SMARCA2: variants seen among roughly 807,000 people sequenced by gnomAD.
The protein encoded by SMARCA2 is SWI/SNF-related matrix-associated actin-dependent regulator of chromatin subfamily A member 2.
In SMARCA2, 61 loss-of-function variants were observed where a neutral mutation model predicts 199.8. The observed-to-expected ratio is 0.31, with a 90% CI of 0.25 to 0.38. The LOEUF is 0.38. Among genes scored for constraint, SMARCA2 ranks in the 10% least tolerant of loss-of-function variants. The probability of loss-of-function intolerance (pLI) is 1.00; values close to 1 mark genes in which losing one functional copy is unlikely to be tolerated. For synonymous variants in SMARCA2, 935 were observed against 732.0 expected (o/e 1.28, Z -4.48); for missense variants, 1,344 against 2,012.2 (o/e 0.67, Z 6.35).
intron 31 of SMARCA2, among the ~76,000 whole-genome samples, chr9:2,185,111 T>C (rs1213655852): frequency 6.6e-6 from 1 of 152,024 alleles, no homozygotes; most frequent in Non-Finnish European, 1.5e-5. Context: ...TTCACTTTGA[T>C]GGGCAACAGA....
intron 27 of SMARCA2, among the ~76,000 whole-genome samples, chr9:2,129,253 C>T (rs1442999521): frequency 6.6e-6 from 1 of 152,106 alleles, no homozygotes; most frequent in African/African-American, 2.4e-5. Context: ...CCCATCTCTA[C>T]TAAAAATACA....
rs144018200 is a variant in SMARCA2, at chr9:2,017,937, T to A, written c.-37+2533T>A. 0.02 allele frequency: 3,063 copies of A among 152,318 alleles called. 41 individuals are homozygous for A. The highest frequency in any genetic ancestry group is 0.041 in the South Asian group (196 of 4,826). The allele number at this position is 152,318 out of a possible 1,614,324, so 9.4% of individuals were successfully genotyped here. On this transcript the variant is annotated intron_variant, in intron 1 of 33. Coordinates refer to ENST00000349721, the MANE Select transcript of SMARCA2 (RefSeq NM_003070.5). This position sits in a 1 kb window ranked among gnomAD's most constrained non-coding sequence, Gnocchi z 8.8. ...GGGAAATGGGCTCCTTGTCCTCCGA[T>A]CGATTGCGTGGAAAACTTTCCAGCG... is the stretch of plus-strand genomic sequence containing the variant.
At chr9:2,188,975 A>G (rs995343379) in intron 32 of SMARCA2, among the ~76,000 whole-genome samples, 1 of 152,144 alleles carries the variant, frequency 6.6e-6, no homozygotes, top group Non-Finnish European at 1.5e-5. Flanking sequence ...AATGACAGGT[A>G]CAGTCCTTCT....
intron 3 of SMARCA2, among the ~76,000 whole-genome samples, chr9:2,035,406 A>G (rs1360867867): frequency 6.6e-6 from 1 of 152,176 alleles, no homozygotes; most frequent in East Asian, 1.9e-4. Flanking sequence ...TCTTGAAGCC[A>G]GGTGCTTACT....
chr9:2,171,386 A>G (rs1436834996), intron 29 of SMARCA2, among the ~76,000 whole-genome samples: 1 of 152,230 alleles, frequency 6.6e-6, no homozygotes, highest in Non-Finnish European at 1.5e-5. Flanking sequence ...TGTATCGTGT[A>G]TTTCAGAATG....
chr9:2,092,050 A>T (rs1211337205), intron 19 of SMARCA2, among the ~76,000 whole-genome samples: 1 of 152,194 alleles, frequency 6.6e-6, no homozygotes, highest in Non-Finnish European at 1.5e-5. Flanking sequence ...TCCATTTCTT[A>T]TGCACGGGAA....
At chr9:2,181,339 A>G in intron 29 of SMARCA2, 1 of 392,760 alleles carries the variant, frequency 2.5e-6, no homozygotes, top group South Asian at 2.8e-5. Context: ...TATTTCCCAT[A>G]TTGTATGTGT....
At chr9:2,073,941 T>C (rs1297174807) in intron 12 of SMARCA2, among the ~76,000 whole-genome samples, 1 of 152,158 alleles carries the variant, frequency 6.6e-6, no homozygotes, top group Non-Finnish European at 1.5e-5. Context: ...ATGGATTACC[T>C]TGGGAAAGGC....
chr9:2,073,170 G>C (rs766422689), intron 10 of SMARCA2, 42 bp from the exon 11 acceptor site: 5 of 1,612,176 alleles, frequency 3.1e-6, no homozygotes, highest in Non-Finnish European at 4.2e-6. Flanking sequence ...CTGGGGGAAG[G>C]TCTTAACATG....
chr9:2,040,193 GCCCAT>G (rs1819544833), intron 4 of SMARCA2: 1 of 598,290 alleles, frequency 1.7e-6, no homozygotes, highest in South Asian at 2.3e-5. Context: ...TTTCTTGGAA[GCCCAT>G]CCACACACAC....
chr9:2,180,180 C>G (rs948921709), intron 29 of SMARCA2, among the ~76,000 whole-genome samples: 3 of 152,130 alleles, frequency 2.0e-5, no homozygotes, highest in African/African-American at 7.2e-5. Context: ...ATGCAGTCTT[C>G]TTAAACCTCT....
At chr9:2,167,041 C>T (rs1825966095) in intron 28 of SMARCA2, among the ~76,000 whole-genome samples, 1 of 152,202 alleles carries the variant, frequency 6.6e-6, no homozygotes, top group African/African-American at 2.4e-5. Flanking sequence ...TACCAAGGGT[C>T]AACATGAAGT....
intron 9 of SMARCA2, among the ~76,000 whole-genome samples, chr9:2,064,645 G>A (rs1179958184): frequency 1.3e-5 from 2 of 152,104 alleles, no homozygotes; most frequent in Admixed American, 6.5e-5. Flanking sequence ...ATATCTTTGA[G>A]GACAGTGACA....
intron 27 of SMARCA2, among the ~76,000 whole-genome samples, chr9:2,154,593 C>T (rs1017676162): frequency 2.0e-5 from 3 of 152,130 alleles, no homozygotes; most frequent in African/African-American, 2.4e-5. Context: ...GCGTGGAACC[C>T]TGGATTGTGG....
intron 18 of SMARCA2, chr9:2,087,320 GA>G: frequency 2.0e-6 from 1 of 494,784 alleles, no homozygotes; most frequent in Non-Finnish European, 3.6e-6. Flanking sequence ...CAGGCTACCA[GA>G]AAAGGGTCCC....
At chr9:2,154,735 T>A (rs988642498) in intron 27 of SMARCA2, among the ~76,000 whole-genome samples, 1 of 152,252 alleles carries the variant, frequency 6.6e-6, no homozygotes, top group South Asian at 2.1e-4. Context: ...GTTATGCTCT[T>A]AATAGTTGTA....
intron 14 of SMARCA2, among the ~76,000 whole-genome samples, chr9:2,080,449 G>A (rs372358478): frequency 3.2e-4 from 49 of 152,214 alleles, no homozygotes; most frequent in African/African-American, 1.1e-3. Context: ...TCTAAAAAAA[G>A]CAGAAACAAA....
chr9:2,153,286 C>G (rs1397280052), intron 27 of SMARCA2, among the ~76,000 whole-genome samples: 1 of 152,162 alleles, frequency 6.6e-6, no homozygotes, highest in African/African-American at 2.4e-5. Context: ...CCTGTAATCC[C>G]AACACTTTGG....
At chr9:2,138,863 G>A (rs1221148062) in intron 27 of SMARCA2, among the ~76,000 whole-genome samples, 1 of 152,176 alleles carries the variant, frequency 6.6e-6, no homozygotes, top group Non-Finnish European at 1.5e-5. Context: ...CCATCTCCGA[G>A]AACTCAGCTC....
Sources: gnomAD v4.1 joint callset for allele counts (sites outside exome capture counted in the v4.1 genomes callset) on GRCh38, gnomAD v4.1.1 for gene constraint, Gnocchi (gnomAD v3.1) non-coding constraint, MANE v1.5 for transcripts, NCBI Gene and HGNC (gene_info 2026-07-23, HGNC 2026-07-21) for gene names.